ERCC4: variants seen among roughly 807,000 people sequenced by gnomAD.
ERCC4 encodes DNA repair endonuclease XPF.
ERCC4 carries 65 observed loss-of-function variants against 76.9 expected under a neutral mutation model. The ratio of observed to expected loss-of-function variants is 0.84; its 90% confidence interval spans 0.69 to 1.04. The LOEUF (loss-of-function observed/expected upper bound fraction) is 1.04, where lower values mean the gene tolerates loss of function less well. ERCC4 is among the 50% of genes least tolerant of loss of function. The probability of loss-of-function intolerance (pLI) is 0.00; values close to 1 mark genes in which losing one functional copy is unlikely to be tolerated. For synonymous variants in ERCC4, 463 were observed against 410.1 expected, an observed-to-expected ratio of 1.13 and a Z score of -1.56; for missense variants, 1,214 against 1,128.2, an observed-to-expected ratio of 1.08 and a Z score of -1.09.
intron 1 of ERCC4, among the ~76,000 whole-genome samples, chr16:13,920,877 C>A (rs1369859283): frequency 6.7e-6 from 1 of 150,144 alleles, no homozygotes; most frequent in East Asian, 2.0e-4. Flanking sequence ...AATTCCCTGA[C>A]AACACTAAGA....
In ERCC4 at chr16:13,949,554, T is replaced by G. The variant is rs193289721; in HGVS notation, c.*1207T>G. On this transcript the variant is annotated 3_prime_UTR_variant, in exon 11 of 11. Coordinates refer to ENST00000311895, the MANE Select transcript of ERCC4 (RefSeq NM_005236.3). ...CCACTAAGCTTTTAAGATTTGATTT[T>G]CCTGCCTTGAGATAAAAAGGAGTGT... The G allele has an allele frequency of 3.2e-4, 75 of 233,062 alleles. No homozygotes were observed. The highest frequency in any genetic ancestry group is 1.5e-3 in the African/African-American group (70 of 45,466). The allele number at this position is 233,062 out of a possible 1,614,324, so 14.4% of individuals were successfully genotyped here. A position where few individuals can be genotyped will look rare whatever the true frequency, so the allele number is the denominator to read the frequency against.
intron 8 of ERCC4, among the ~76,000 whole-genome samples, chr16:13,937,076 T>G (rs1489796314): frequency 3.6e-5 from 5 of 139,230 alleles, no homozygotes; most frequent in Non-Finnish European, 1.5e-5. Context: ...TGTGCCACCA[T>G]GCTCAACTAA....
Position 13,935,230 on chromosome 16 carries a change from T to G in ERCC4, c.1298T>G (p.Leu433Trp). The change falls in exon 8 of 11, where the codon TTG becomes TGG. Residue 433 changes from leucine (L) to tryptophan (W), a missense_variant. Coordinates refer to ENST00000311895, the MANE Select transcript of ERCC4 (RefSeq NM_005236.3). ...YITLGAEAFL[L>W]RLYRKTFEKD... ...ACTCTTGGAGCGGAGGCCTTCTTAT[T>G]GAGGCTCTACAGGAAAACCTTTGAG... 6.2e-7 allele frequency: 1 copy of G among 1,614,088 alleles called. No individual in the cohort carries two copies.
chr16:13,945,273 G>A (rs1032577870), intron 10 of ERCC4, among the ~76,000 whole-genome samples: 20 of 151,914 alleles, frequency 1.3e-4, no homozygotes, highest in Non-Finnish European at 1.0e-4. Context: ...ACATAGGTGG[G>A]GTGCATACAC....
chr16:13,920,510 G>T, intron 1 of ERCC4, 138 bp downstream of exon 1: 1 of 814,418 alleles, frequency 1.2e-6, no homozygotes, highest in Non-Finnish European at 2.0e-6. Context: ...ACACAGAGAA[G>T]GATGGCAGGG....
Position 13,937,174 on chromosome 16 carries a change from C to G in ERCC4, c.1812-592C>G, listed in dbSNP as rs144872771. On this transcript the variant is annotated intron_variant, in intron 8 of 10. Transcript: ENST00000311895. Reference sequence around the variant, plus strand: ...CAAATGATCCTCCCACCTCAGCCCCCCAAAGTGCTGGGATTACAGGTGTGA... The same window carrying G: ...CAAATGATCCTCCCACCTCAGCCCCGCAAAGTGCTGGGATTACAGGTGTGA... Among the ~76,000 whole-genome samples, 54 of 151,820 alleles carry G rather than the reference C, an allele frequency of 3.6e-4. No individual in the cohort carries two copies. The East Asian group carries it at 5.2e-3, about 15-fold the overall frequency.
In ERCC4 at chr16:13,951,852, T is replaced by C. The variant is rs976289765; in HGVS notation, c.*3505T>C. The stretch of plus-strand genomic sequence containing the variant: ...TGGGGAAATTCTCTTTTGTGTTCAG[T>C]TTAACCTAGAAAGGTCCTCTTGAAA... On this transcript the variant is annotated 3_prime_UTR_variant, in exon 11 of 11. Transcript: ENST00000311895. 20 of 222,188 alleles carry C rather than the reference T, an allele frequency of 9.0e-5. No individual in the cohort carries two copies. The highest frequency in any genetic ancestry group is 8.6e-4 in the Admixed American group (15 of 17,440). 13.8% of individuals were successfully genotyped at this position (222,188 alleles called of 1,614,324 possible).
At chr16:13,934,016 T>C (rs1438572488) in intron 6 of ERCC4, 176 bp from the exon 7 acceptor site, 4 of 553,036 alleles carry the variant, frequency 7.2e-6, no homozygotes, top group Non-Finnish European at 1.3e-5. Context: ...GTATCTTTCA[T>C]TTACACCTTA....
chr16:13,925,856 T>G (rs942308041), intron 2 of ERCC4, among the ~76,000 whole-genome samples: 1 of 152,220 alleles, frequency 6.6e-6, no homozygotes, highest in Non-Finnish European at 1.5e-5. Flanking sequence ...ATGAAAGATC[T>G]GGGTCAGTAG....
chr16:13,937,724 A>G, intron 8 of ERCC4, 42 bp from the exon 9 acceptor site: 4 of 1,251,148 alleles, frequency 3.2e-6, no homozygotes, highest in Non-Finnish European at 4.7e-6. Context: ...AGGGATTAAA[A>G]ATGCTGTTTT....
intron 1 of ERCC4, among the ~76,000 whole-genome samples, chr16:13,920,764 G>C (rs1198787248): frequency 6.6e-6 from 1 of 151,178 alleles, no homozygotes; most frequent in Admixed American, 6.6e-5. Context: ...TTTGACCAGA[G>C]TTCAAGAACA....
intron 6 of ERCC4, chr16:13,933,813 C>G (rs2032230163): frequency 6.0e-6 from 1 of 165,868 alleles, no homozygotes; most frequent in Non-Finnish European, 1.3e-5. Flanking sequence ...CTACTTTTAT[C>G]CATGTTCAGG....
At chr16:13,932,615 T>G in intron 6 of ERCC4, 1 of 404,192 alleles carries the variant, frequency 2.5e-6, no homozygotes. Context: ...ATTATTATTT[T>G]TGAGTCAGAA....
At chr16:13,929,883 G>A (rs1042923139) in intron 4 of ERCC4, among the ~76,000 whole-genome samples, 4 of 152,154 alleles carry the variant, frequency 2.6e-5, no homozygotes, top group African/African-American at 9.7e-5. Flanking sequence ...ATAATGGCAC[G>A]AACCTGGGAG....
chr16:13,944,646 A>G (rs913723072), intron 9 of ERCC4, 77 bp from the exon 10 acceptor site: 46 of 947,808 alleles, frequency 4.9e-5, no homozygotes, highest in Non-Finnish European at 6.9e-5. Context: ...ATCATTTTCA[A>G]TACTACAATT....
At chr16:13,946,483 T>A (rs149553475) in intron 10 of ERCC4, among the ~76,000 whole-genome samples, 1 of 152,340 alleles carries the variant, frequency 6.6e-6, no homozygotes, top group Non-Finnish European at 1.5e-5. Flanking sequence ...AAATACAGTA[T>A]TGTGATCTTA....
chr16:13,935,620 C>G lies in ERCC4; in HGVS notation c.1688C>G (p.Pro563Arg), dbSNP rs764730051. ...IIHPLLGCSD[P>R]YALTRVLHEV... ...CATCCGCTTCTGGGTTGCAGCGACC[C>G]CTATGCTCTGACAAGGGTACTACAT... Residue 563 changes from proline (P) to arginine (R), a missense_variant, in exon 8 of 11, where the codon CCC becomes CGC. Physicochemically the swap from Pro to Arg is moderately radical, Grantham distance 103 (BLOSUM62 -2). Coordinates refer to ENST00000311895, the MANE Select transcript of ERCC4 (RefSeq NM_005236.3). 2.5e-6 allele frequency: 4 copies of G among 1,613,870 alleles called. No individual in the cohort carries two copies. The African/African-American group carries it at 5.3e-5, about 22-fold the overall frequency.
chr16:13,927,666 T>C (rs2032097602), intron 3 of ERCC4: 2 of 216,310 alleles, frequency 9.2e-6, no homozygotes, highest in Non-Finnish European at 1.8e-5. Context: ...GTAGTAAATA[T>C]TTTGGGCTTT....
intron 10 of ERCC4, among the ~76,000 whole-genome samples, chr16:13,947,074 T>G (rs1286350443): frequency 6.6e-6 from 1 of 152,194 alleles, no homozygotes; most frequent in Non-Finnish European, 1.5e-5. Context: ...AATCTGCTTT[T>G]TAATGTGACC....
Sources: gnomAD v4.1 joint callset for allele counts (sites outside exome capture counted in the v4.1 genomes callset) on GRCh38, gnomAD v4.1.1 for gene constraint, MANE v1.5 for transcripts, NCBI Gene and HGNC (gene_info 2026-07-23, HGNC 2026-07-21) for gene names.